Variants in ZNF33A observed in about 807,000 individuals in gnomAD.
The protein encoded by ZNF33A is brain my041 protein.
A neutral mutation model predicts 15.9 loss-of-function variants in ZNF33A; 9 were observed. That is an observed-to-expected ratio of 0.57 (90% CI 0.34 to 0.99). ZNF33A has a LOEUF of 0.99. ZNF33A is among the 50% of genes least tolerant of loss of function. The pLI, the probability that ZNF33A is intolerant of heterozygous loss-of-function variation, is 0.02. For synonymous variants in ZNF33A, 294 were observed against 324.2 expected (o/e 0.91, Z 1.00); for missense variants, 843 against 941.6 (o/e 0.90, Z 1.37).
chr10:38,060,053 C>A lies in ZNF33A; in HGVS notation c.*3493C>A, dbSNP rs1437093416. 2 of 985,212 alleles carry A rather than the reference C, an allele frequency of 2.0e-6. No individual in the cohort carries two copies. Among genetic ancestry groups the A allele is most frequent in the Non-Finnish European group, 2.4e-6 (2 of 829,894 alleles). 61.0% of individuals were successfully genotyped at this position (985,212 alleles called of 1,614,324 possible). A position where few individuals can be genotyped will look rare whatever the true frequency, so the allele number is the denominator to read the frequency against. ...TCAAGTAAATAAATAACCAACCAAC[C>A]AACCCTGAGGAACATCTTGTTTCTG... On this transcript the variant is annotated 3_prime_UTR_variant, in exon 5 of 5. Coordinates refer to ENST00000432900, the MANE Select transcript of ZNF33A (RefSeq NM_006954.2).
At chr10:38,014,864 A>G (rs1196010297) in intron 2 of ZNF33A, among the ~76,000 whole-genome samples, 1 of 152,106 alleles carries the variant, frequency 6.6e-6, no homozygotes, top group African/African-American at 2.4e-5. Flanking sequence ...AATTGAACCT[A>G]TATATAAATT....
Position 38,057,659 on chromosome 10 carries a change from T to C in ZNF33A, c.*1099T>C, listed in dbSNP as rs1005950067. ...ATCTAAAAAAAATCTATCCTGTACA[T>C]GTGAAGATCTAGGCTCGCCTCCATG... On this transcript the variant is annotated 3_prime_UTR_variant, in exon 5 of 5. Coordinates refer to ENST00000432900, the MANE Select transcript of ZNF33A (RefSeq NM_006954.2). 2.0e-6 allele frequency: 2 copies of C among 985,336 alleles called. No homozygotes were observed. Among genetic ancestry groups the C allele is most frequent in the African/African-American group, 1.7e-5 (1 of 57,256 alleles). 61.0% of individuals were successfully genotyped at this position (985,336 alleles called of 1,614,324 possible). A position where few individuals can be genotyped will look rare whatever the true frequency, so the allele number is the denominator to read the frequency against.
downstream of ZNF33A, among the ~76,000 whole-genome samples, chr10:38,061,039 G>A (rs2066648884): frequency 6.6e-6 from 1 of 152,172 alleles, no homozygotes; most frequent in Non-Finnish European, 1.5e-5. Context: ...ACTGTACAGT[G>A]ACGAACTGAT....
In ZNF33A at chr10:38,057,422, T is replaced by A; in HGVS notation, c.*862T>A. 1 of 985,390 alleles carries A rather than the reference T, an allele frequency of 1.0e-6. No homozygotes were observed. Among genetic ancestry groups the A allele is most frequent in the Non-Finnish European group, 1.2e-6 (1 of 829,922 alleles). The allele number at this position is 985,390 out of a possible 1,614,324, so 61.0% of individuals were successfully genotyped here. On this transcript the variant is annotated 3_prime_UTR_variant, in exon 5 of 5. Coordinates refer to ENST00000432900, the MANE Select transcript of ZNF33A (RefSeq NM_006954.2). ...TTATCCCTGAAGTTCAAAAGACTTATATATGTATAAGTGGTATGTGATATA... is the reference window on the plus strand; with the variant it reads ...TTATCCCTGAAGTTCAAAAGACTTAAATATGTATAAGTGGTATGTGATATA...
intron 4 of ZNF33A, among the ~76,000 whole-genome samples, chr10:38,030,366 G>C (rs1035734672): frequency 6.6e-6 from 1 of 152,172 alleles, no homozygotes; most frequent in Non-Finnish European, 1.5e-5. Context: ...ATAATGTGTG[G>C]TGTGTCCATA....
intron 4 of ZNF33A, among the ~76,000 whole-genome samples, chr10:38,025,567 C>T (rs186365709): frequency 4.1e-4 from 62 of 152,390 alleles, no homozygotes; most frequent in African/African-American, 1.4e-3. Flanking sequence ...AAGAGGCCCT[C>T]ACCAGGCCCT....
At position 38,056,685 on chromosome 10, in the gene ZNF33A, G is replaced by A. The variant is rs182198686; in HGVS notation, c.*125G>A. On this transcript the variant is annotated 3_prime_UTR_variant, in exon 5 of 5. Coordinates refer to ENST00000432900, the MANE Select transcript of ZNF33A (RefSeq NM_006954.2). ...CTATGTAATATCAGATGGTTAATAC[G>A]GGCATAACACCTTACAGATTTTTTT... 4.1e-4 allele frequency: 555 copies of A among 1,357,244 alleles called. No individual in the cohort carries two copies. Among genetic ancestry groups the A allele is most frequent in the Non-Finnish European group, 4.4e-4 (470 of 1,057,836 alleles). 84.1% of individuals were successfully genotyped at this position (1,357,244 alleles called of 1,614,324 possible). A position where few individuals can be genotyped will look rare whatever the true frequency, so the allele number is the denominator to read the frequency against.
At chr10:38,016,662 C>T (rs1590458183) in intron 2 of ZNF33A, among the ~76,000 whole-genome samples, 1 of 152,124 alleles carries the variant, frequency 6.6e-6, no homozygotes, top group African/African-American at 2.4e-5. Context: ...TTAGTATTTC[C>T]AGCAGTGATG....
At chr10:38,011,465 A>G (rs990337119) in intron 1 of ZNF33A, among the ~76,000 whole-genome samples, 1 of 152,014 alleles carries the variant, frequency 6.6e-6, no homozygotes, top group African/African-American at 2.4e-5. Context: ...CATGCCTGTA[A>G]TCCCAGCTAC....
chr10:38,031,801 A>G (rs1274415658), intron 4 of ZNF33A, among the ~76,000 whole-genome samples: 1 of 151,394 alleles, frequency 6.6e-6, no homozygotes, highest in African/African-American at 2.4e-5. Context: ...CATCTCTACT[A>G]AAATACAAAA....
At chr10:38,040,491 T>TA (rs1454407210) in intron 4 of ZNF33A, among the ~76,000 whole-genome samples, 2 of 152,180 alleles carry the variant, frequency 1.3e-5, no homozygotes, top group African/African-American at 4.8e-5. Context: ...TAGTAGTACA[T>TA]AGGCTTAGAA....
intron 3 of ZNF33A, 90 bp from the exon 4 acceptor site, chr10:38,017,201 A>T: frequency 1.4e-6 from 2 of 1,418,122 alleles, no homozygotes; most frequent in Non-Finnish European, 1.9e-6. Flanking sequence ...TCCACTGGCA[A>T]CTCGAAGCAG....
At chr10:38,048,337 A>G (rs1175837819) in intron 4 of ZNF33A, among the ~76,000 whole-genome samples, 2 of 152,234 alleles carry the variant, frequency 1.3e-5, no homozygotes, top group African/African-American at 4.8e-5. Flanking sequence ...AAAATATATG[A>G]CAAACATAGC....
chr10:38,061,636 C>T (rs2066654946), downstream of ZNF33A, among the ~76,000 whole-genome samples: 1 of 152,098 alleles, frequency 6.6e-6, no homozygotes, highest in Non-Finnish European at 1.5e-5. Context: ...TTTGTGCCCC[C>T]TCCAAAAGTC....
chr10:38,020,330 A>C (rs1439143574), intron 4 of ZNF33A, among the ~76,000 whole-genome samples: 2 of 152,150 alleles, frequency 1.3e-5, no homozygotes, highest in Non-Finnish European at 2.9e-5. Flanking sequence ...CCCTAATGTG[A>C]TTATTTATCT....
chr10:38,053,318 G>A (rs2066297584), intron 4 of ZNF33A, among the ~76,000 whole-genome samples: 1 of 152,078 alleles, frequency 6.6e-6, no homozygotes, highest in Non-Finnish European at 1.5e-5. Flanking sequence ...ATTTTCTTCT[G>A]GTGTCCTCAC....
chr10:38,027,948 CAGTT>C (rs2065051879), intron 4 of ZNF33A, among the ~76,000 whole-genome samples: 1 of 151,960 alleles, frequency 6.6e-6, no homozygotes, highest in Non-Finnish European at 1.5e-5. Flanking sequence ...GATCTAAAGT[CAGTT>C]TGTTTTGGAC....
At chr10:38,013,685 C>T (rs1265967890) in intron 2 of ZNF33A, among the ~76,000 whole-genome samples, 4 of 151,932 alleles carry the variant, frequency 2.6e-5, no homozygotes, top group African/African-American at 9.7e-5. Flanking sequence ...TCTCAGTCTC[C>T]TGACCTCGTG....
chr10:38,012,893 G>C (rs2064260091), intron 2 of ZNF33A, among the ~76,000 whole-genome samples: 1 of 152,162 alleles, frequency 6.6e-6, no homozygotes, highest in Non-Finnish European at 1.5e-5. Flanking sequence ...GAAGACACTG[G>C]ATACAGACAG....
Sources: gnomAD v4.1 joint callset for allele counts (sites outside exome capture counted in the v4.1 genomes callset) on GRCh38, gnomAD v4.1.1 for gene constraint, MANE v1.5 for transcripts, NCBI Gene and HGNC (gene_info 2026-07-23, HGNC 2026-07-21) for gene names.